ADAMTS3: variants seen among roughly 807,000 people sequenced by gnomAD.
The protein encoded by ADAMTS3 is A disintegrin and metalloproteinase with thrombospondin motifs 3.
In ADAMTS3, 73 loss-of-function variants were observed where a neutral mutation model predicts 129.0. The ratio of observed to expected loss-of-function variants is 0.57; its 90% CI spans 0.47 to 0.69. The LOEUF is 0.69. ADAMTS3 is among the 30% of genes least tolerant of loss of function. ADAMTS3 has a pLI of 0.00. For missense variants in ADAMTS3, 1,457 were observed against 1,514.5 expected, an observed-to-expected ratio of 0.96 and a Z score of 0.63; for synonymous variants, 477 against 510.8, an observed-to-expected ratio of 0.93 and a Z score of 0.89.
chr4:72,419,928 A>C (rs1336873316), intron 3 of ADAMTS3, among the ~76,000 whole-genome samples: 1 of 152,214 alleles, frequency 6.6e-6, no homozygotes, highest in Non-Finnish European at 1.5e-5. Context: ...AGAACAAAAT[A>C]CTATTTTCAT....
At chr4:72,423,540 A>AT (rs983972671) in intron 3 of ADAMTS3, among the ~76,000 whole-genome samples, 108 of 151,460 alleles carry the variant, frequency 7.1e-4, no homozygotes, top group African/African-American at 2.4e-3. Flanking sequence ...GAATGGACAG[A>AT]TTTTTTTTTC....
chr4:72,446,484 A>G (rs1718256506), intron 3 of ADAMTS3, among the ~76,000 whole-genome samples: 1 of 151,588 alleles, frequency 6.6e-6, no homozygotes, highest in Non-Finnish European at 1.5e-5. Flanking sequence ...TTCTTCCAGG[A>G]AGGAAGGTGA....
intron 3 of ADAMTS3, among the ~76,000 whole-genome samples, chr4:72,446,142 G>A (rs140550325): frequency 2.0e-5 from 3 of 151,792 alleles, no homozygotes; most frequent in Non-Finnish European, 4.4e-5. Context: ...CTGTACTCCA[G>A]CAATCTCTCC....
chr4:72,284,379 A>G (rs939200517), intron 21 of ADAMTS3, among the ~76,000 whole-genome samples: 5 of 150,864 alleles, frequency 3.3e-5, no homozygotes, highest in Non-Finnish European at 5.9e-5. Flanking sequence ...CAGGAGGTGG[A>G]GCTTGCAGTG....
intron 20 of ADAMTS3, among the ~76,000 whole-genome samples, chr4:72,289,551 T>C (rs1718604913): frequency 6.6e-6 from 1 of 152,220 alleles, no homozygotes; most frequent in African/African-American, 2.4e-5. Flanking sequence ...ATATGTGTTA[T>C]CATTATCATC....
At chr4:72,353,211 G>A (rs956188141) in intron 4 of ADAMTS3, among the ~76,000 whole-genome samples, 4 of 151,914 alleles carry the variant, frequency 2.6e-5, no homozygotes, top group African/African-American at 9.7e-5. Context: ...TTGTTACAGT[G>A]ATTATCTTAG....
intron 3 of ADAMTS3, among the ~76,000 whole-genome samples, chr4:72,514,734 C>A (rs1372661381): frequency 2.6e-5 from 4 of 151,920 alleles, no homozygotes; most frequent in Admixed American, 2.6e-4. Flanking sequence ...ACAGACAAAC[C>A]TCAAGGGTAA....
intron 15 of ADAMTS3, among the ~76,000 whole-genome samples, chr4:72,306,851 C>T (rs1006150408): frequency 1.3e-5 from 2 of 151,842 alleles, no homozygotes; most frequent in African/African-American, 4.8e-5. Flanking sequence ...CTGTAAATGT[C>T]ATATATCACA....
rs563910608 is a variant in ADAMTS3 at position 72,473,553 on chromosome 4, A to G, written c.505-58582T>C. On this transcript the variant is annotated intron_variant, in intron 3 of 21. Coordinates refer to ENST00000286657, the MANE Select transcript of ADAMTS3 (RefSeq NM_014243.3). ...GTTTTACACAAGCCAAACACCACAG[A>G]AAAAAAAAAAAAAAACACGGTCCTA... Among the ~76,000 whole-genome samples the G allele has an allele frequency of 8.2e-3, 1,163 of 141,002 alleles. 27 individuals carry two copies. Among genetic ancestry groups the G allele is most frequent in the African/African-American group, 0.029 (1,086 of 37,002 alleles). The allele number at this position is 141,002 out of a possible 152,430, so 92.5% of individuals were successfully genotyped here.
intron 17 of ADAMTS3, among the ~76,000 whole-genome samples, chr4:72,302,635 A>G (rs941480513): frequency 6.6e-5 from 10 of 152,052 alleles, no homozygotes; most frequent in African/African-American, 2.4e-4. Context: ...AAAAACATCA[A>G]CCTACAAAGC....
At position 72,549,019 on chromosome 4, in the gene ADAMTS3, T is replaced by TA. The variant is rs1721543684; in HGVS notation, c.98-136dup. The TA allele has an allele frequency of 1.7e-5, 12 of 692,142 alleles. 1 individual carries two copies. In the South Asian group the frequency reaches 4.1e-4, roughly 23 times the overall value. The allele number at this position is 692,142 out of a possible 1,614,324, so 42.9% of individuals were successfully genotyped here. Reference sequence around the variant, plus strand: ...ATATAGACATTCCTGAATCAGCTCATAAATATTAAATTTTGAGAACAAAAA... The same window carrying TA: ...ATATAGACATTCCTGAATCAGCTCATAAAATATTAAATTTTGAGAACAAAAA... On this transcript the variant is annotated intron_variant, in intron 2 of 21. Transcript: ENST00000286657.
In ADAMTS3 at chr4:72,282,273, G is replaced by A. The variant is rs1192029653; in HGVS notation, c.*863C>T. On this transcript the variant is annotated 3_prime_UTR_variant, in exon 22 of 22. Coordinates refer to ENST00000286657, the MANE Select transcript of ADAMTS3 (RefSeq NM_014243.3). ...GGTGCCTACTGAGGTCCTGGAAAGA[G>A]GGTTTCAGTTTTGTCTTGCACGAGT... is the stretch of plus-strand genomic sequence containing the variant. 2 of 152,136 alleles carry A rather than the reference G, an allele frequency of 1.3e-5. No homozygotes were observed. The highest frequency in any genetic ancestry group is 4.8e-5 in the African/African-American group (2 of 41,386). 9.4% of individuals were successfully genotyped at this position (152,136 alleles called of 1,614,324 possible). A position where few individuals can be genotyped will look rare whatever the true frequency, so the allele number is the denominator to read the frequency against.
chr4:72,553,878 A>T (rs775039973), intron 2 of ADAMTS3, among the ~76,000 whole-genome samples: 51 of 152,158 alleles, frequency 3.4e-4, no homozygotes, highest in Non-Finnish European at 6.8e-4. Context: ...TCTGTAAAAG[A>T]TATTTTCTTT....
intron 4 of ADAMTS3, among the ~76,000 whole-genome samples, chr4:72,342,358 AC>A (rs1720159302): frequency 1.0e-5 from 1 of 99,218 alleles, no homozygotes; most frequent in African/African-American, 3.4e-5. Flanking sequence ...TTCCCCAATT[AC>A]TTTTTTTTTT....
At chr4:72,306,789 A>G (rs1440049066) in intron 15 of ADAMTS3, among the ~76,000 whole-genome samples, 1 of 152,000 alleles carries the variant, frequency 6.6e-6, no homozygotes, top group South Asian at 2.1e-4. Flanking sequence ...TAAGAAAATC[A>G]ATATGCTTAA....
intron 21 of ADAMTS3, among the ~76,000 whole-genome samples, chr4:72,287,875 T>G (rs1207647964): frequency 6.6e-6 from 1 of 152,158 alleles, no homozygotes; most frequent in African/African-American, 2.4e-5. Flanking sequence ...TTTTATTTAC[T>G]TATGTTTTGA....
chr4:72,466,067 T>C (rs1470570442), intron 3 of ADAMTS3, among the ~76,000 whole-genome samples: 1 of 152,120 alleles, frequency 6.6e-6, no homozygotes, highest in Non-Finnish European at 1.5e-5. Context: ...ACACAAGTGA[T>C]AATGTCCTAT....
chr4:72,435,184 G>T (rs1464218000), intron 3 of ADAMTS3, among the ~76,000 whole-genome samples: 1 of 151,804 alleles, frequency 6.6e-6, no homozygotes, highest in Non-Finnish European at 1.5e-5. Flanking sequence ...AAAGACATTT[G>T]ATTGCAGTAT....
At chr4:72,404,894 G>A (rs1334799247) in intron 4 of ADAMTS3, among the ~76,000 whole-genome samples, 2 of 151,622 alleles carry the variant, frequency 1.3e-5, no homozygotes, top group African/African-American at 4.8e-5. Context: ...AAGAATGGGT[G>A]AAGGACTTGA....
Sources: gnomAD v4.1 joint callset for allele counts (sites outside exome capture counted in the v4.1 genomes callset) on GRCh38, gnomAD v4.1.1 for gene constraint, MANE v1.5 for transcripts, NCBI Gene and HGNC (gene_info 2026-07-23, HGNC 2026-07-21) for gene names.